The following KAT6B variants were observed in gnomAD, a reference collection of about 807,000 sequenced individuals.
The protein encoded by KAT6B is lysine acetyltransferase 6B, also known as histone acetyltransferase KAT6B.
Under a neutral mutation model 187.5 loss-of-function variants are expected in KAT6B, and 10 were observed. The ratio of observed to expected loss-of-function variants is 0.05; its 90% confidence interval spans 0.03 to 0.09. The LOEUF is 0.09. KAT6B is among the 10% of genes least tolerant of loss of function. KAT6B has a pLI of 1.00. For synonymous variants in KAT6B, 861 were observed against 926.8 expected (o/e 0.93, Z 1.29); for missense variants, 1,952 against 2,558.9 (o/e 0.76, Z 5.12).
chr10:74,950,299 C>T (rs1331215729), intron 3 of KAT6B, among the ~76,000 whole-genome samples: 1 of 152,144 alleles, frequency 6.6e-6, no homozygotes, highest in African/African-American at 2.4e-5. Context: ...TTGTCGTAAA[C>T]AGAGTTCTGT....
At chr10:74,965,171 G>C (rs952022974) in intron 4 of KAT6B, among the ~76,000 whole-genome samples, 3 of 152,096 alleles carry the variant, frequency 2.0e-5, no homozygotes, top group African/African-American at 7.2e-5. Flanking sequence ...TTCACATTCT[G>C]CACATTGGTT....
intron 3 of KAT6B, among the ~76,000 whole-genome samples, chr10:74,917,529 T>C (rs1057334557): frequency 6.6e-6 from 1 of 152,240 alleles, no homozygotes; most frequent in Admixed American, 6.5e-5. Context: ...GCTTAGTATA[T>C]ACCAGTCACT....
intron 12 of KAT6B, 121 bp from the exon 13 acceptor site, chr10:74,988,898 G>C (rs952997069): frequency 8.1e-6 from 6 of 741,752 alleles, no homozygotes; most frequent in Non-Finnish European, 1.5e-5. Context: ...TTTTCTGCTT[G>C]ATCCTGACCT....
chr10:75,006,363 A>G (rs192558038), intron 13 of KAT6B, among the ~76,000 whole-genome samples: 1 of 152,382 alleles, frequency 6.6e-6, no homozygotes, highest in Admixed American at 6.5e-5. Context: ...AAAAATTGCA[A>G]TTAAAACATT....
intron 11 of KAT6B, chr10:74,984,716 T>C (rs927400990): frequency 2.1e-4 from 56 of 265,888 alleles, no homozygotes; most frequent in African/African-American, 1.2e-3. Flanking sequence ...TTGATCTGTT[T>C]ATATTTCCTT....
intron 3 of KAT6B, among the ~76,000 whole-genome samples, chr10:74,919,084 G>A (rs548790386): frequency 4.2e-4 from 64 of 152,096 alleles, no homozygotes; most frequent in African/African-American, 1.4e-3. Flanking sequence ...TGGGCCAGGC[G>A]TGGTGGCAGG....
intron 1 of KAT6B, among the ~76,000 whole-genome samples, chr10:74,828,234 G>A (rs1564890000): frequency 1.3e-5 from 2 of 152,242 alleles, no homozygotes; most frequent in East Asian, 3.9e-4. Context: ...TAAAGAGAGT[G>A]TTAGACAGAA....
intron 1 of KAT6B, among the ~76,000 whole-genome samples, chr10:74,831,531 T>C (rs1188276816): frequency 6.6e-6 from 1 of 152,216 alleles, no homozygotes; most frequent in Admixed American, 6.5e-5. Context: ...TTTCCTTCAC[T>C]TTTTTCTGTT....
At chr10:74,834,045 TA>T (rs1304733416) in intron 1 of KAT6B, among the ~76,000 whole-genome samples, 1 of 152,226 alleles carries the variant, frequency 6.6e-6, no homozygotes, top group East Asian at 1.9e-4. Context: ...AGATGGCTAC[TA>T]TTGCCAGAGT....
At chr10:74,898,312 G>A (rs1846126852) in intron 3 of KAT6B, among the ~76,000 whole-genome samples, 1 of 152,176 alleles carries the variant, frequency 6.6e-6, no homozygotes, top group Non-Finnish European at 1.5e-5. Flanking sequence ...GCACAAGTTA[G>A]GAGTAGCCTT....
chr10:74,979,361 G>T, intron 10 of KAT6B, 22 bp downstream of exon 10: 1 of 1,477,110 alleles, frequency 6.8e-7, no homozygotes, highest in Non-Finnish European at 9.5e-7. Context: ...AGTCTGGCAG[G>T]TGTATAACTT....
intron 3 of KAT6B, among the ~76,000 whole-genome samples, chr10:74,858,431 A>G (rs923923368): frequency 6.6e-6 from 1 of 151,822 alleles, no homozygotes; most frequent in Admixed American, 6.6e-5. Context: ...GGCGTGTGCC[A>G]CCATGCCCAG....
At chr10:74,835,931 A>G (rs11812996) in intron 1 of KAT6B, among the ~76,000 whole-genome samples, 17,340 of 152,180 alleles carry the variant, frequency 0.11, 2,311 homozygotes, top group African/African-American at 0.32. Flanking sequence ...TCAAGTTCCA[A>G]AACATTTTTA....
At chr10:74,998,485 T>G (rs542356009) in intron 13 of KAT6B, among the ~76,000 whole-genome samples, 2 of 151,470 alleles carry the variant, frequency 1.3e-5, no homozygotes, top group East Asian at 1.9e-4. Context: ...ACCCAGAGAG[T>G]TAATGTTTTG....
chr10:74,990,972 C>CAAAT (rs1307930645), intron 13 of KAT6B, among the ~76,000 whole-genome samples: 1 of 152,028 alleles, frequency 6.6e-6, no homozygotes, highest in Non-Finnish European at 1.5e-5. Context: ...TTTGTCTATT[C>CAAAT]AGTCCCTTCC....
intron 3 of KAT6B, among the ~76,000 whole-genome samples, chr10:74,946,581 T>C (rs560349702): frequency 1.3e-5 from 2 of 152,266 alleles, no homozygotes; most frequent in East Asian, 3.9e-4. Context: ...GATACAACAA[T>C]GTATGTGAAT....
chr10:74,980,186 TA>T (rs1253654614), intron 10 of KAT6B, among the ~76,000 whole-genome samples: 11 of 151,916 alleles, frequency 7.2e-5, no homozygotes, highest in Non-Finnish European at 1.2e-4. Flanking sequence ...AAGGAGAAAA[TA>T]ATGGTATCCA....
At chr10:74,884,892 T>C (rs968300436) in intron 3 of KAT6B, among the ~76,000 whole-genome samples, 1 of 151,932 alleles carries the variant, frequency 6.6e-6, no homozygotes, top group African/African-American at 2.4e-5. Flanking sequence ...TTTAATGCAT[T>C]TGGAGCAGCG....
intron 3 of KAT6B, 29 bp from the exon 4 acceptor site, chr10:74,959,941 C>T (rs1472840414): frequency 2.2e-6 from 3 of 1,365,988 alleles, no homozygotes; most frequent in Non-Finnish European, 3.1e-6. Flanking sequence ...GGAAAAGTGA[C>T]AGTATTTTTT....
Sources: allele counts gnomAD v4.1 joint callset (sites outside exome capture counted in the v4.1 genomes callset), GRCh38; gene constraint gnomAD v4.1.1; transcripts MANE v1.5; gene names NCBI Gene and HGNC (gene_info 2026-07-23, HGNC 2026-07-21).